Variants in KYNU observed in about 807,000 individuals in gnomAD.
The protein encoded by KYNU is L-kynurenine hydrolase.
In KYNU, 54 loss-of-function variants were observed where a neutral mutation model predicts 59.2. The observed-to-expected ratio is 0.91, with a 90% confidence interval of 0.73 to 1.14. KYNU has a LOEUF of 1.14. Among genes scored for constraint, KYNU ranks in the 50% most tolerant of loss-of-function variants. The pLI is 0.00. For missense variants in KYNU, 567 were observed against 554.4 expected (o/e 1.02, Z -0.23); for synonymous variants, 177 against 192.0 (o/e 0.92, Z 0.65).
rs1489023975 is a variant in KYNU, at chr2:143,042,096, A to G, written c.1322A>G (p.Tyr441Cys). The G allele has an allele frequency of 3.1e-6, 5 of 1,611,370 alleles. No homozygotes were observed. Among genetic ancestry groups the G allele is most frequent in the Middle Eastern group, 1.7e-4 (1 of 5,924 alleles). ...NGIRVAPVPL[Y>C]NSFHDVYKFT... ...ATTCGAGTGGCTCCAGTTCCTCTCT[A>G]TAATTCTTTCCATGATGTTTATAAA... Residue 441 changes from tyrosine (Y) to cysteine (C), a missense_variant, in exon 14 of 14, where the codon TAT becomes TGT. Transcript: ENST00000264170.
intron 12 of KYNU, among the ~76,000 whole-genome samples, chr2:143,038,875 C>A (rs1261923167): frequency 6.6e-6 from 1 of 152,152 alleles, no homozygotes; most frequent in Admixed American, 6.6e-5. Flanking sequence ...ATGACCCTAT[C>A]TTTGCTCTTG....
chr2:142,966,265 A>G (rs561726994), intron 8 of KYNU, among the ~76,000 whole-genome samples: 2 of 152,316 alleles, frequency 1.3e-5, no homozygotes, highest in East Asian at 3.9e-4. Flanking sequence ...TATTTTACTC[A>G]TGCATCGGGC....
intron 10 of KYNU, among the ~76,000 whole-genome samples, chr2:143,014,218 T>C (rs1447856717): frequency 6.6e-6 from 1 of 152,228 alleles, no homozygotes; most frequent in Non-Finnish European, 1.5e-5. Flanking sequence ...ATTTCCATCA[T>C]CAGATCTTCT....
intron 1 of KYNU, among the ~76,000 whole-genome samples, chr2:142,878,433 T>A (rs544176891): frequency 1.7e-4 from 26 of 152,310 alleles, no homozygotes; most frequent in Non-Finnish European, 3.2e-4. Context: ...CTCAATGATA[T>A]GCTTAAAGAA....
At chr2:142,892,334 G>C (rs1681743284) in intron 2 of KYNU, among the ~76,000 whole-genome samples, 2 of 152,200 alleles carry the variant, frequency 1.3e-5, no homozygotes, top group South Asian at 4.1e-4. Flanking sequence ...CTTTCTCTGT[G>C]AATGTGTGGG....
rs936253174 is a variant in KYNU at position 143,049,358 on chromosome 2, G to A, written c.*7186G>A. On this transcript the variant is annotated 3_prime_UTR_variant, in exon 14 of 14. Transcript: ENST00000264170. ...CCCATTGAGCTTCCCTGCATCAGCTGTTTTGCCTGGTGGCTGCCACCAACG... is the reference window on the plus strand; with the variant it reads ...CCCATTGAGCTTCCCTGCATCAGCTATTTTGCCTGGTGGCTGCCACCAACG... 2.0e-5 allele frequency: 3 copies of A among 152,082 alleles called. No individual in the cohort carries two copies. The highest frequency in any genetic ancestry group is 2.4e-5 in the African/African-American group (1 of 41,396). 9.4% of individuals were successfully genotyped at this position (152,082 alleles called of 1,614,324 possible). A position where few individuals can be genotyped will look rare whatever the true frequency, so the allele number is the denominator to read the frequency against.
chr2:142,884,688 CTT>C lies in KYNU; in HGVS notation c.-19-638_-19-637del, dbSNP rs70997529. ...TTACTATTATTTTGTTTCTCTTTTC[CTT>C]TTTTTTTTTTTTTTTTTTTTTTGGT... On this transcript the variant is annotated intron_variant, in intron 1 of 13. Transcript: ENST00000264170. Among the ~76,000 whole-genome samples the C allele has an allele frequency of 8.0e-3, 616 of 77,042 alleles. 2 individuals are homozygous for C. Among genetic ancestry groups the C allele is most frequent in the Non-Finnish European group, 0.012 (501 of 41,306 alleles). 50.5% of individuals were successfully genotyped at this position (77,042 alleles called of 152,430 possible). A position where few individuals can be genotyped will look rare whatever the true frequency, so the allele number is the denominator to read the frequency against.
chr2:142,922,346 CAA>C (rs1682910408), intron 3 of KYNU, among the ~76,000 whole-genome samples: 1 of 151,984 alleles, frequency 6.6e-6, no homozygotes. Context: ...ACAAAATATA[CAA>C]AAGAAATTTA....
intron 10 of KYNU, among the ~76,000 whole-genome samples, chr2:143,013,298 C>CTGTGTGTGTG (rs71301735): frequency 2.0e-5 from 3 of 149,468 alleles, no homozygotes; most frequent in African/African-American, 7.4e-5. Context: ...GTCTCTTTCT[C>CTGTGTGTGTG]TGTGTGTGTG....
chr2:142,947,037 C>G (rs1683810257), intron 4 of KYNU: 2 of 1,544,580 alleles, frequency 1.3e-6, no homozygotes, highest in Middle Eastern at 1.7e-4. Flanking sequence ...TGGGCTGATT[C>G]TCACCTCACC....
chr2:142,939,602 C>CAAAAAAAAAAAAAAAAAAA (rs71301737), intron 4 of KYNU, among the ~76,000 whole-genome samples: 18 of 65,088 alleles, frequency 2.8e-4, no homozygotes, highest in East Asian at 7.6e-4. Flanking sequence ...CTCCATCTCA[C>CAAAAAAAAAAAAAAAAAAA]AAAAAAAAAA....
At chr2:143,013,298 C>CTCTGTGTGTGTGTGTGTGTGTG (rs72349700) in intron 10 of KYNU, among the ~76,000 whole-genome samples, 5 of 149,468 alleles carry the variant, frequency 3.3e-5, no homozygotes, top group African/African-American at 1.2e-4. Flanking sequence ...GTCTCTTTCT[C>CTCTGTGTGTGTGTGTGTGTGTG]TGTGTGTGTG....
At chr2:142,990,402 A>G (rs542949519) in intron 10 of KYNU, among the ~76,000 whole-genome samples, 1 of 151,980 alleles carries the variant, frequency 6.6e-6, no homozygotes, top group South Asian at 2.1e-4. Context: ...TTAGAGGACT[A>G]TTTAACCTTT....
At chr2:142,912,803 G>A (rs1427632932) in intron 2 of KYNU, among the ~76,000 whole-genome samples, 11 of 142,000 alleles carry the variant, frequency 7.7e-5, no homozygotes, top group Admixed American at 2.2e-4. Flanking sequence ...TCTGCCTCCC[G>A]GGTTCACGCC....
intron 13 of KYNU, 82 bp from the exon 14 acceptor site, chr2:143,041,965 C>T (rs2104927858): frequency 2.1e-6 from 3 of 1,415,790 alleles, no homozygotes; most frequent in East Asian, 2.3e-5. Flanking sequence ...TATGAAAGTG[C>T]TTTACATAAG....
At chr2:142,880,762 C>T (rs1681267588) in intron 1 of KYNU, among the ~76,000 whole-genome samples, 1 of 152,152 alleles carries the variant, frequency 6.6e-6, no homozygotes, top group Admixed American at 6.5e-5. Context: ...AAGTGTCCAA[C>T]AGAGGTCTAA....
chr2:142,933,742 T>C (rs979471792), intron 4 of KYNU, among the ~76,000 whole-genome samples: 3 of 152,066 alleles, frequency 2.0e-5, no homozygotes, highest in African/African-American at 7.2e-5. Context: ...TATTAACACA[T>C]TGAAGGAGAG....
chr2:143,016,563 T>A (rs1686251426), intron 10 of KYNU, among the ~76,000 whole-genome samples: 1 of 152,166 alleles, frequency 6.6e-6, no homozygotes. Context: ...TGTGTCAAAA[T>A]TTTTTTCTCC....
At chr2:143,038,902 C>T (rs1157086679) in intron 12 of KYNU, among the ~76,000 whole-genome samples, 2 of 152,154 alleles carry the variant, frequency 1.3e-5, no homozygotes, top group Non-Finnish European at 2.9e-5. Context: ...TTGCTCATGA[C>T]ACAGAAAAGG....
Sources: allele counts gnomAD v4.1 joint callset (sites outside exome capture counted in the v4.1 genomes callset), GRCh38; gene constraint gnomAD v4.1.1; transcripts MANE v1.5; gene names NCBI Gene and HGNC (gene_info 2026-07-23, HGNC 2026-07-21).